Variants in NRXN1 observed in about 807,000 individuals in gnomAD.
NRXN1 encodes the protein neurexin 1, also known as neurexin-1.
Under a neutral mutation model 150.9 loss-of-function variants are expected in NRXN1, and 39 were observed. The ratio of observed to expected loss-of-function variants is 0.26; its 90% CI spans 0.20 to 0.34. The LOEUF is 0.34. Among genes scored for constraint, NRXN1 ranks in the 10% least tolerant of loss-of-function variants. The pLI, the probability that NRXN1 is intolerant of heterozygous loss-of-function variation, is 1.00. For missense variants in NRXN1, 1,815 were observed against 1,949.9 expected (o/e 0.93, Z 1.30); for synonymous variants, 924 against 757.0 (o/e 1.22, Z -3.62).
At chr2:50,970,066 CT>C (rs1408366669) in intron 2 of NRXN1, among the ~76,000 whole-genome samples, 1 of 152,126 alleles carries the variant, frequency 6.6e-6, no homozygotes, top group Non-Finnish European at 1.5e-5. Context: ...AACATGACCC[CT>C]TCTGGAATGG....
At chr2:50,356,489 T>A (rs959493211) in intron 17 of NRXN1, among the ~76,000 whole-genome samples, 4 of 152,214 alleles carry the variant, frequency 2.6e-5, no homozygotes, top group Non-Finnish European at 4.4e-5. Context: ...TCTAAAACTG[T>A]CTTATTTTCC....
intron 12 of NRXN1, among the ~76,000 whole-genome samples, chr2:50,519,594 T>C (rs1014624343): frequency 2.0e-5 from 3 of 151,928 alleles, no homozygotes; most frequent in Non-Finnish European, 4.4e-5. Context: ...GATAGAAATG[T>C]TGAGTTATGT....
At chr2:50,961,953 G>A (rs956952136) in intron 2 of NRXN1, among the ~76,000 whole-genome samples, 1 of 136,890 alleles carries the variant, frequency 7.3e-6, no homozygotes. Context: ...TTCTGGACTA[G>A]GCCTGCTAGT....
intron 21 of NRXN1, among the ~76,000 whole-genome samples, chr2:50,053,054 A>C (rs1166577595): frequency 1.3e-5 from 2 of 152,176 alleles, no homozygotes; most frequent in Non-Finnish European, 2.9e-5. Context: ...CTAACAAACC[A>C]AAACAAAATC....
chr2:50,057,867 T>C (rs1009960612), intron 19 of NRXN1, among the ~76,000 whole-genome samples: 3 of 152,174 alleles, frequency 2.0e-5, no homozygotes, highest in African/African-American at 7.2e-5. Context: ...TTTTGATGAA[T>C]TGTCACTGAT....
At chr2:50,193,276 G>A (rs1186026664) in intron 18 of NRXN1, among the ~76,000 whole-genome samples, 1 of 152,018 alleles carries the variant, frequency 6.6e-6, no homozygotes. Context: ...CAAAAATAAA[G>A]GCTTCAATAT....
At chr2:51,022,847 G>T (rs566123465) in intron 2 of NRXN1, among the ~76,000 whole-genome samples, 1 of 152,270 alleles carries the variant, frequency 6.6e-6, no homozygotes, top group East Asian at 1.9e-4. Flanking sequence ...ACATGTACTT[G>T]GGGGTATACT....
intron 8 of NRXN1, among the ~76,000 whole-genome samples, chr2:50,601,866 T>G (rs2103953649): frequency 6.6e-6 from 1 of 152,298 alleles, no homozygotes; most frequent in Middle Eastern, 3.4e-3. Context: ...GTTTCATGGG[T>G]TAGTCAGACA....
At chr2:50,473,736 A>G (rs575524853) in intron 15 of NRXN1, among the ~76,000 whole-genome samples, 2 of 152,020 alleles carry the variant, frequency 1.3e-5, no homozygotes, top group Non-Finnish European at 2.9e-5. Context: ...AACAAGGAGA[A>G]CTGATACACA....
rs367689695 is a variant in NRXN1 at position 50,230,131 on chromosome 2, C to A, written c.3546+6658G>T. ...CAAAGAGATTCCGGAGACCTAACTT[C>A]TTTCTGCTAGCTTAGGAGGTGAAAA... is the stretch of plus-strand genomic sequence containing the variant. On this transcript the variant is annotated intron_variant, in intron 18 of 22. Coordinates refer to ENST00000401669, the MANE Select transcript of NRXN1 (RefSeq NM_001330078.2). 2.3e-4 allele frequency among the ~76,000 whole-genome samples: 35 copies of A among 152,132 alleles called. No individual in the cohort carries two copies. In the East Asian group the frequency reaches 5.1e-3, roughly 22 times the overall value.
At chr2:50,623,684 A>C (rs1179518174) in intron 5 of NRXN1, 69 bp from the exon 6 acceptor site, 1 of 1,102,782 alleles carries the variant, frequency 9.1e-7, no homozygotes, top group Non-Finnish European at 1.3e-6. Flanking sequence ...GTCTTAACAG[A>C]AACAATAGCT....
chr2:50,038,212 C>T (rs537260281), intron 21 of NRXN1, among the ~76,000 whole-genome samples: 7 of 152,242 alleles, frequency 4.6e-5, no homozygotes, highest in East Asian at 3.9e-4. Flanking sequence ...ATTGTGGTGG[C>T]GTCTAAGAAG....
rs545158591 is a variant in NRXN1, at chr2:49,948,229, T to C, written c.4129-4438A>G. On this transcript the variant is annotated intron_variant, in intron 21 of 22. Coordinates refer to ENST00000401669, the MANE Select transcript of NRXN1 (RefSeq NM_001330078.2). ...GACTAAATTATTTACGCAATACAAG[T>C]TAAGCTTTGTTTTAAAAGCTGACCT... Among the ~76,000 whole-genome samples the C allele has an allele frequency of 3.3e-5, 5 of 152,208 alleles. No homozygotes were observed. In the South Asian group the frequency reaches 8.3e-4, roughly 25 times the overall value.
chr2:50,874,229 T>G (rs1243697670), intron 5 of NRXN1, among the ~76,000 whole-genome samples: 2 of 151,876 alleles, frequency 1.3e-5, no homozygotes, highest in African/African-American at 2.4e-5. Context: ...CCAACTTTTC[T>G]TACAAGGAAT....
At chr2:50,277,233 A>G (rs1457540453) in intron 17 of NRXN1, among the ~76,000 whole-genome samples, 2 of 152,198 alleles carry the variant, frequency 1.3e-5, no homozygotes, top group Non-Finnish European at 1.5e-5. Flanking sequence ...TAAGAATCCT[A>G]TTAAGAATTC....
At position 50,683,646 on chromosome 2, in the gene NRXN1, A is replaced by AAAAAAAAAAAAAAAAAAATATATAT; in HGVS notation, c.833-60032_833-60031insATATATATTTTTTTTTTTTTTTTTT. Reference sequence around the variant, plus strand: ...GACTCCGTCTCAAAAAAAAAAAAAAAATATATATATATATATATATGTTAT... The same window carrying AAAAAAAAAAAAAAAAAAATATATAT: ...GACTCCGTCTCAAAAAAAAAAAAAAAAAAAAAAAAAAAAAAAAATATATATATATATATATATATATATATGTTAT... On this transcript the variant is annotated intron_variant, in intron 5 of 22. Coordinates refer to ENST00000401669, the MANE Select transcript of NRXN1 (RefSeq NM_001330078.2). Among the ~76,000 whole-genome samples, 6 of 14,902 alleles carry AAAAAAAAAAAAAAAAAAATATATAT rather than the reference A, an allele frequency of 4.0e-4. 1 individual carries two copies. Among genetic ancestry groups the AAAAAAAAAAAAAAAAAAATATATAT allele is most frequent in the African/African-American group, 1.4e-3 (4 of 2,780 alleles). 9.8% of individuals were successfully genotyped at this position (14,902 alleles called of 152,430 possible). A position where few individuals can be genotyped will look rare whatever the true frequency, so the allele number is the denominator to read the frequency against.
chr2:50,976,652 T>G (rs1171326848), intron 2 of NRXN1, among the ~76,000 whole-genome samples: 1 of 151,898 alleles, frequency 6.6e-6, no homozygotes, highest in Non-Finnish European at 1.5e-5. Context: ...TCTGTAATGT[T>G]AGAAGACAGA....
At chr2:50,595,068 T>C (rs937781574) in intron 8 of NRXN1, among the ~76,000 whole-genome samples, 3 of 149,374 alleles carry the variant, frequency 2.0e-5, no homozygotes, top group Non-Finnish European at 4.4e-5. Flanking sequence ...CACATCCAGA[T>C]TGGGAAAGCT....
intron 5 of NRXN1, among the ~76,000 whole-genome samples, chr2:50,647,971 C>G (rs1685067784): frequency 6.6e-6 from 1 of 151,634 alleles, no homozygotes; most frequent in African/African-American, 2.4e-5. Flanking sequence ...GGAAACAGAC[C>G]AAAATGATAT....
Sources: gnomAD v4.1 joint callset for allele counts (sites outside exome capture counted in the v4.1 genomes callset) on GRCh38, gnomAD v4.1.1 for gene constraint, MANE v1.5 for transcripts, NCBI Gene and HGNC (gene_info 2026-07-23, HGNC 2026-07-21) for gene names.